FOXN3: variants seen among roughly 807,000 people sequenced by gnomAD.
The protein encoded by FOXN3 is forkhead box protein N3.
A neutral mutation model predicts 38.4 loss-of-function variants in FOXN3; 7 were observed. The observed-to-expected ratio is 0.18, with a 90% CI of 0.10 to 0.34. The LOEUF is 0.34. Ranked by LOEUF, FOXN3 falls within the 10% of genes least tolerant of loss-of-function variation. The pLI, the probability that FOXN3 is intolerant of heterozygous loss-of-function variation, is 1.00. For missense variants in FOXN3, 456 were observed against 613.4 expected, an observed-to-expected ratio of 0.74 and a Z score of 2.71; for synonymous variants, 230 against 242.2, an observed-to-expected ratio of 0.95 and a Z score of 0.47.
chr14:89,379,019 G>C (rs567018574), intron 2 of FOXN3, among the ~76,000 whole-genome samples: 1 of 152,254 alleles, frequency 6.6e-6, no homozygotes, highest in East Asian at 1.9e-4. Context: ...CACATTTCTT[G>C]AATCATGCCC....
chr14:89,525,749 CAG>C (rs1214516961), intron 1 of FOXN3, among the ~76,000 whole-genome samples: 2 of 151,400 alleles, frequency 1.3e-5, no homozygotes, highest in Non-Finnish European at 1.5e-5. Context: ...TTGAAGAGGA[CAG>C]AGTGCCTTCT....
intron 3 of FOXN3, among the ~76,000 whole-genome samples, chr14:89,294,453 G>C (rs1886975097): frequency 6.6e-6 from 1 of 152,172 alleles, no homozygotes; most frequent in Non-Finnish European, 1.5e-5. Flanking sequence ...ATGTGCCAGA[G>C]GCGTCTGAAC....
intron 1 of FOXN3, among the ~76,000 whole-genome samples, chr14:89,468,843 T>C (rs1893036553): frequency 6.6e-6 from 1 of 152,148 alleles, no homozygotes; most frequent in Non-Finnish European, 1.5e-5. Context: ...TTGTTAATAC[T>C]GTAGTGAGAA....
At position 89,484,106 on chromosome 14, in the gene FOXN3, AG is replaced by A. The variant is rs1282269444; in HGVS notation, c.-14-71617del. On this transcript the variant is annotated intron_variant, in intron 1 of 6. Coordinates refer to the FOXN3 transcript ENST00000345097. The surrounding 1 kb of genome is among the most constrained non-coding windows in gnomAD (Gnocchi z 4.0). ...GCATCTAGGTTTTATTTTAAGTTAAAGAGATGAATGGAAATATCCAACTAGA... is the reference window on the plus strand; with the variant it reads ...GCATCTAGGTTTTATTTTAAGTTAAAAGATGAATGGAAATATCCAACTAGA... Among the ~76,000 whole-genome samples the A allele has an allele frequency of 1.3e-5, 2 of 152,226 alleles. No homozygotes were observed. Among genetic ancestry groups the A allele is most frequent in the Non-Finnish European group, 2.9e-5 (2 of 68,032 alleles).
rs1224631650 is a variant in FOXN3, at chr14:89,356,164, G to A, written c.544-5356C>T. Among the ~76,000 whole-genome samples, 8 of 152,160 alleles carry A rather than the reference G, an allele frequency of 5.3e-5. No homozygotes were observed. In the East Asian group the frequency reaches 7.7e-4, roughly 15 times the overall value. On this transcript the variant is annotated intron_variant, in intron 2 of 5. Transcript: ENST00000557258. ...TGTAATCCCAGCACTTTGGGAGGCC[G>A]AGGTGGACAGATCACCTGAGGTCAG...
At chr14:89,568,567 T>C (rs1027493457) in intron 1 of FOXN3, among the ~76,000 whole-genome samples, 4 of 152,350 alleles carry the variant, frequency 2.6e-5, no homozygotes, top group Non-Finnish European at 5.9e-5. Context: ...TCTTTGTAAA[T>C]GTCAGCTCCT....
At chr14:89,363,967 T>TATATATATATATATATATATATAAA (rs1890024471) in intron 2 of FOXN3, among the ~76,000 whole-genome samples, 1 of 98,612 alleles carries the variant, frequency 1.0e-5, no homozygotes, top group African/African-American at 5.3e-5. Flanking sequence ...TATATATATA[T>TATATATATATATATATATATATAAA]ATATATATAT....
At chr14:89,492,188 C>A (rs887351517) in intron 1 of FOXN3, among the ~76,000 whole-genome samples, 1 of 152,308 alleles carries the variant, frequency 6.6e-6, no homozygotes, top group Middle Eastern at 3.4e-3. Context: ...AATAACAGAA[C>A]GTTATGTAAA....
rs1450269792 is a variant in FOXN3, at chr14:89,284,622, G to A, written c.681-3608C>T. On this transcript the variant is annotated intron_variant, in intron 3 of 5. Coordinates refer to ENST00000557258, the MANE Select transcript of FOXN3 (RefSeq NM_005197.4). Reference sequence around the variant, plus strand: ...CAGACTAACCATATGTGAAAGACACGCGGGCTCCTATTAGCAGAAACAATA... The same window carrying A: ...CAGACTAACCATATGTGAAAGACACACGGGCTCCTATTAGCAGAAACAATA... 8 of 454,650 alleles carry A rather than the reference G, an allele frequency of 1.8e-5. No homozygotes were observed. In the East Asian group the frequency reaches 2.1e-4, roughly 12 times the overall value. The allele number at this position is 454,650 out of a possible 1,614,324, so 28.2% of individuals were successfully genotyped here. A position where few individuals can be genotyped will look rare whatever the true frequency, so the allele number is the denominator to read the frequency against.
rs896040361 is a variant in FOXN3, at chr14:89,376,935, T to C, written c.544-26127A>G. Among the ~76,000 whole-genome samples, 3 of 146,292 alleles carry C rather than the reference T, an allele frequency of 2.1e-5. No homozygotes were observed. The Admixed American group carries it at 2.1e-4, about 10-fold the overall frequency. On this transcript the variant is annotated intron_variant, in intron 2 of 5. Transcript: ENST00000557258. ...AGGCTGAGGCAGGAGACTTGCTTGA[T>C]TCTTGAACCCGGGAGGCAGAGATTG...
At chr14:89,414,486 C>A (rs886385706) in intron 1 of FOXN3, among the ~76,000 whole-genome samples, 3 of 151,674 alleles carry the variant, frequency 2.0e-5, no homozygotes, top group African/African-American at 4.8e-5. Flanking sequence ...TACCTTCCCT[C>A]TTCCAAAAGG....
intron 3 of FOXN3, among the ~76,000 whole-genome samples, chr14:89,346,628 C>A (rs1336897197): frequency 6.6e-6 from 1 of 152,192 alleles, no homozygotes; most frequent in Non-Finnish European, 1.5e-5. Context: ...GAGGATGGTA[C>A]TTTCATCACC....
chr14:89,531,284 C>A (rs1894563776), intron 1 of FOXN3, among the ~76,000 whole-genome samples: 1 of 152,010 alleles, frequency 6.6e-6, no homozygotes, highest in South Asian at 2.1e-4. Flanking sequence ...GGTCTGCAGG[C>A]TCATCCCTTT....
At chr14:89,591,088 T>C (rs938990167) in intron 1 of FOXN3, among the ~76,000 whole-genome samples, 2 of 152,250 alleles carry the variant, frequency 1.3e-5, no homozygotes, top group African/African-American at 2.4e-5. Context: ...TAACTAAATT[T>C]GATATGGCTT....
At position 89,415,884 on chromosome 14, in the gene FOXN3, CCT is replaced by C. The variant is rs199724261; in HGVS notation, c.-15+985_-15+986del. 1.8e-3 allele frequency among the ~76,000 whole-genome samples: 166 copies of C among 93,268 alleles called. 4 individuals carry two copies. The Middle Eastern group carries it at 0.026, about 15-fold the overall frequency. 61.2% of individuals were successfully genotyped at this position (93,268 alleles called of 152,430 possible). A position where few individuals can be genotyped will look rare whatever the true frequency, so the allele number is the denominator to read the frequency against. ...CACACACACACACACACACACACAC[CCT>C]CTTTTGTTTTTTTTATGACTTGCTG... On this transcript the variant is annotated intron_variant, in intron 1 of 5. Transcript: ENST00000557258.
At chr14:89,431,863 C>T (rs560341580) in intron 1 of FOXN3, among the ~76,000 whole-genome samples, 13 of 152,062 alleles carry the variant, frequency 8.5e-5, no homozygotes, top group African/African-American at 2.2e-4. Context: ...TACAGGCGCC[C>T]GCCACCACGT....
At position 89,596,250 on chromosome 14, in the gene FOXN3, G is replaced by T. The variant is rs1896054490; in HGVS notation, c.-15+22778C>A. Among the ~76,000 whole-genome samples the T allele has an allele frequency of 3.3e-5, 5 of 152,248 alleles. No homozygotes were observed. In the South Asian group the frequency reaches 1.0e-3, roughly 32 times the overall value. Reference sequence around the variant, plus strand: ...CCTCCCCGGTTCAAGCCATTCTCCTGCCTCAGCCTCCCAAGTAGCTAGGAT... The same window carrying T: ...CCTCCCCGGTTCAAGCCATTCTCCTTCCTCAGCCTCCCAAGTAGCTAGGAT... On this transcript the variant is annotated intron_variant, in intron 1 of 6. Coordinates refer to the FOXN3 transcript ENST00000345097.
At chr14:89,333,252 C>A in intron 3 of FOXN3, 1 of 150,224 alleles carries the variant, frequency 6.7e-6, no homozygotes, top group South Asian at 1.8e-4. Context: ...GATGGTGAAA[C>A]CCCGTCTCTA....
intron 1 of FOXN3, among the ~76,000 whole-genome samples, chr14:89,413,326 G>T (rs1566646451): frequency 6.6e-6 from 1 of 152,056 alleles, no homozygotes; most frequent in East Asian, 1.9e-4. Context: ...AGAAAATCAA[G>T]CATCTACCTA....
Sources: gnomAD v4.1 joint callset for allele counts (sites outside exome capture counted in the v4.1 genomes callset) on GRCh38, gnomAD v4.1.1 for gene constraint, Gnocchi (gnomAD v3.1) non-coding constraint, MANE v1.5 for transcripts, NCBI Gene and HGNC (gene_info 2026-07-23, HGNC 2026-07-21) for gene names.